NFASC: variants seen among roughly 807,000 people sequenced by gnomAD.
NFASC encodes neurofascin.
NFASC carries 43 observed loss-of-function variants against 147.5 expected under a neutral mutation model. The ratio of observed to expected loss-of-function variants is 0.29; its 90% CI spans 0.23 to 0.38. NFASC has a LOEUF of 0.38. NFASC is among the 10% of genes least tolerant of loss of function. NFASC has a pLI of 1.00. For missense variants in NFASC, 1,320 were observed against 1,689.0 expected (o/e 0.78, Z 3.83); for synonymous variants, 622 against 665.5 (o/e 0.93, Z 1.01).
chr1:204,895,257 C>T (rs2083177205), intron 1 of NFASC, among the ~76,000 whole-genome samples: 1 of 152,166 alleles, frequency 6.6e-6, no homozygotes, highest in African/African-American at 2.4e-5. Context: ...TCCCTCCTGA[C>T]TTACCTAATT....
At chr1:204,953,726 G>A (rs1266287161) in intron 5 of NFASC, among the ~76,000 whole-genome samples, 1 of 152,222 alleles carries the variant, frequency 6.6e-6, no homozygotes, top group Non-Finnish European at 1.5e-5. Flanking sequence ...GTGGCAGGAG[G>A]AGCAGAGCCA....
intron 2 of NFASC, among the ~76,000 whole-genome samples, chr1:204,926,253 A>T (rs1167225020): frequency 6.6e-6 from 1 of 151,226 alleles, no homozygotes; most frequent in Non-Finnish European, 1.5e-5. Flanking sequence ...TTATTAATAA[A>T]CTTAGTTAAT....
At chr1:204,850,146 AG>A (rs2075548442) in intron 1 of NFASC, among the ~76,000 whole-genome samples, 1 of 152,210 alleles carries the variant, frequency 6.6e-6, no homozygotes, top group Non-Finnish European at 1.5e-5. Context: ...TGACCTCTCT[AG>A]GCCTCAGTTT....
At chr1:204,893,690 G>A (rs79022590) in intron 1 of NFASC, among the ~76,000 whole-genome samples, 1,801 of 152,288 alleles carry the variant, frequency 0.012, 53 homozygotes, top group African/African-American at 0.041. Context: ...ATTGTATTGC[G>A]CTGCACTGTA....
intron 1 of NFASC, among the ~76,000 whole-genome samples, chr1:204,846,200 CA>C (rs60005710): frequency 1.4e-3 from 153 of 109,680 alleles, no homozygotes; most frequent in Middle Eastern, 5.2e-3. Flanking sequence ...CCTGTCTATA[CA>C]AAAAAAAAAA....
intron 16 of NFASC, chr1:204,977,059 G>A (rs932663965): frequency 3.0e-5 from 37 of 1,244,756 alleles, no homozygotes; most frequent in Non-Finnish European, 3.7e-5. Flanking sequence ...TAGAGAAAGT[G>A]GAGAGGGGTT....
At position 204,970,666 on chromosome 1, in the gene NFASC, G is replaced by A. The variant is rs1399027292; in HGVS notation, c.1054G>A (p.Glu352Lys). ...EPKNLILAPG[E>K]DGRLVCRANG... ...CAAGAACCTTATTCTGGCTCCTGGC[G>A]AGGATGGGAGACTGGTGTGTCGAGC... The change falls in exon 11 of 30, where the codon GAG becomes AAG. Residue 352 changes from glutamate to lysine, a missense_variant. This residue lies in a region of NFASC where 981 missense variants were observed against 1,289.5 expected (regional missense o/e 0.76). Transcript: ENST00000339876. The A allele has an allele frequency of 5.0e-6, 8 of 1,614,046 alleles. No individual in the cohort carries two copies. Among genetic ancestry groups the A allele is most frequent in the East Asian group, 2.2e-5 (1 of 44,894 alleles).
In NFASC at chr1:204,834,250, C is replaced by T. The variant is rs528132486; in HGVS notation, c.-200+5468C>T. Among the ~76,000 whole-genome samples the T allele has an allele frequency of 2.0e-5, 3 of 151,910 alleles. No homozygotes were observed. The East Asian group carries it at 5.8e-4, about 30-fold the overall frequency. On this transcript the variant is annotated intron_variant, in intron 1 of 29. Coordinates refer to ENST00000339876, the MANE Select transcript of NFASC (RefSeq NM_001005388.3). ...CCTAAAAGGCATGAGGGGCCTTCAA[C>T]TTCTGGCCCCATTGTTAACTTAAAT...
intron 27 of NFASC, among the ~76,000 whole-genome samples, chr1:205,005,398 C>T (rs766368169): frequency 6.6e-6 from 1 of 151,366 alleles, no homozygotes; most frequent in Admixed American, 6.6e-5. Flanking sequence ...TGGGTGTTGC[C>T]GGGAGAGGTG....
intron 27 of NFASC, among the ~76,000 whole-genome samples, chr1:205,004,403 G>A (rs977442590): frequency 2.0e-5 from 3 of 152,230 alleles, no homozygotes; most frequent in Non-Finnish European, 4.4e-5. Flanking sequence ...TGCACTTGGT[G>A]GAAAGGCTCA....
rs753716398 is a variant in NFASC at position 204,954,784 on chromosome 1, C to T, written c.413-45C>T. The T allele has an allele frequency of 6.8e-6, 11 of 1,607,248 alleles. No individual in the cohort carries two copies. The African/African-American group carries it at 1.1e-4, about 16-fold the overall frequency. On this transcript the variant is annotated intron_variant, in intron 6 of 29. Transcript: ENST00000339876. The surrounding 1 kb of genome is among the most constrained non-coding windows in gnomAD (Gnocchi z 5.7). ...TCTGACCCTGCTCCTTGCCCCGGGC[C>T]CAGCCATCACCCTCACTTTATCCTC... is the stretch of plus-strand genomic sequence containing the variant.
chr1:204,875,570 C>T (rs2078612040), intron 1 of NFASC, among the ~76,000 whole-genome samples: 1 of 152,178 alleles, frequency 6.6e-6, no homozygotes, highest in South Asian at 2.1e-4. Flanking sequence ...AAAGTGATTG[C>T]AGATTGTCGG....
chr1:204,982,045 C>T (rs750505414), intron 21 of NFASC, 25 bp downstream of exon 21: 1 of 1,456,130 alleles, frequency 6.9e-7, no homozygotes, highest in Non-Finnish European at 9.2e-7. Flanking sequence ...CCCCGTCCCC[C>T]CATCAGGACC....
chr1:204,912,251 T>C (rs1044299916), intron 1 of NFASC, among the ~76,000 whole-genome samples: 1 of 152,036 alleles, frequency 6.6e-6, no homozygotes, highest in Non-Finnish European at 1.5e-5. Flanking sequence ...AGGTGTTTCC[T>C]GTTTTCTAAT....
In NFASC at chr1:204,946,734, C is replaced by A. The variant is rs775004301; in HGVS notation, c.91+2328C>A. 10 of 518,930 alleles carry A rather than the reference C, an allele frequency of 1.9e-5. 1 individual carries two copies. Among genetic ancestry groups the A allele is most frequent in the Admixed American group, 7.8e-5 (4 of 51,444 alleles). The allele number at this position is 518,930 out of a possible 1,614,324, so 32.1% of individuals were successfully genotyped here. A position where few individuals can be genotyped will look rare whatever the true frequency, so the allele number is the denominator to read the frequency against. On this transcript the variant is annotated intron_variant, in intron 3 of 29. Transcript: ENST00000339876. Reference sequence around the variant, plus strand: ...ATTTCTATAGAAACAAGTTAAAGTACCTGGCCTTCCTCTGCAAGTGGATGA... The same window carrying A: ...ATTTCTATAGAAACAAGTTAAAGTAACTGGCCTTCCTCTGCAAGTGGATGA...
chr1:205,007,090 G>C (rs1272989547), intron 27 of NFASC, among the ~76,000 whole-genome samples: 1 of 151,990 alleles, frequency 6.6e-6, no homozygotes, highest in Non-Finnish European at 1.5e-5. Context: ...GAAGAGCATA[G>C]AGCGTACCAA....
intron 3 of NFASC, among the ~76,000 whole-genome samples, chr1:204,948,211 C>T (rs910207305): frequency 2.6e-5 from 4 of 152,244 alleles, no homozygotes; most frequent in Non-Finnish European, 4.4e-5. Flanking sequence ...ATTCACTTTC[C>T]ACTGCTCCAT....
chr1:204,875,860 C>CT (rs566340197), intron 1 of NFASC, among the ~76,000 whole-genome samples: 1 of 152,146 alleles, frequency 6.6e-6, no homozygotes, highest in Non-Finnish European at 1.5e-5. Context: ...ATTTGGAACT[C>CT]TAACTTCTAT....
In NFASC at chr1:204,975,338, G is replaced by C. The variant is rs745654877; in HGVS notation, c.1626G>C (p.Glu542Asp). ...VARRGTTVQL[E>D]CRVKHDPSLK... is the part of the protein sequence containing the mutation. ...GAAGGGGCACCACGGTGCAGCTGGA[G>C]TGTCGGGTGAAGCACGACCCCTCCC... is the stretch of plus-strand genomic sequence containing the variant. Residue 542 changes from glutamate (E) to aspartate (D), a missense_variant, in exon 15 of 30, where the codon GAG becomes GAC. Coordinates refer to ENST00000339876, the MANE Select transcript of NFASC (RefSeq NM_001005388.3). This position sits in a 1 kb window ranked among gnomAD's most constrained non-coding sequence, Gnocchi z 4.0. 3.7e-6 allele frequency: 6 copies of C among 1,614,148 alleles called. No homozygotes were observed. The South Asian group carries it at 6.6e-5, about 18-fold the overall frequency.
Sources: gnomAD v4.1 joint callset for allele counts (sites outside exome capture counted in the v4.1 genomes callset) on GRCh38, gnomAD v4.1.1 for gene constraint, gnomAD v4.1.1 regional missense constraint, Gnocchi (gnomAD v3.1) non-coding constraint, MANE v1.5 for transcripts, NCBI Gene and HGNC (gene_info 2026-07-23, HGNC 2026-07-21) for gene names.